The following HHAT variants were observed in gnomAD, a reference collection of about 807,000 sequenced individuals.
HHAT encodes hedgehog acyltransferase, also known as protein-cysteine N-palmitoyltransferase HHAT.
A neutral mutation model predicts 70.8 loss-of-function variants in HHAT; 47 were observed. That is an observed-to-expected ratio of 0.66 (90% CI 0.53 to 0.85). The LOEUF (loss-of-function observed/expected upper bound fraction) is 0.85. Ranked by LOEUF, HHAT falls within the 40% of genes least tolerant of loss-of-function variation. HHAT has a pLI of 0.00. For missense variants in HHAT, 609 were observed against 604.8 expected (o/e 1.01, Z -0.07); for synonymous variants, 228 against 247.6 (o/e 0.92, Z 0.74).
intron 9 of HHAT, among the ~76,000 whole-genome samples, chr1:210,566,350 A>C (rs893273726): frequency 6.6e-6 from 1 of 152,192 alleles, no homozygotes; most frequent in Non-Finnish European, 1.5e-5. Flanking sequence ...TGATGTGGAC[A>C]GGAGACAGGG....
intron 8 of HHAT, among the ~76,000 whole-genome samples, chr1:210,473,675 G>T (rs75642762): frequency 0.013 from 2,002 of 152,226 alleles, 52 homozygotes; most frequent in African/African-American, 0.046. Context: ...GACTTAATTT[G>T]ACTTAATTTC....
In HHAT at chr1:210,379,436, C is replaced by T. The variant is rs114346187; in HGVS notation, c.160-8032C>T. On this transcript the variant is annotated intron_variant, in intron 3 of 11. Transcript: ENST00000261458. ...AGTAAATAGTCATGGTTGAGTTAATCGGCAGTACCTGCTGTACAAGCAGAT... is the reference window on the plus strand; with the variant it reads ...AGTAAATAGTCATGGTTGAGTTAATTGGCAGTACCTGCTGTACAAGCAGAT... Among the ~76,000 whole-genome samples, 1,231 of 152,288 alleles carry T rather than the reference C, an allele frequency of 8.1e-3. 9 individuals carry two copies. Among genetic ancestry groups the T allele is most frequent in the Middle Eastern group, 0.024 (7 of 294 alleles).
chr1:210,482,456 C>T (rs1403702083), intron 8 of HHAT, among the ~76,000 whole-genome samples: 1 of 152,298 alleles, frequency 6.6e-6, no homozygotes, highest in Non-Finnish European at 1.5e-5. Context: ...TTATTTTAAA[C>T]ACAGGGTGCC....
Position 210,583,399 on chromosome 1 carries a change from A to T in HHAT, c.1044-4499A>T, listed in dbSNP as rs56136649. Among the ~76,000 whole-genome samples the T allele has an allele frequency of 6.3e-3, 967 of 152,318 alleles. 10 individuals carry two copies. Among genetic ancestry groups the T allele is most frequent in the African/African-American group, 0.022 (913 of 41,568 alleles). On this transcript the variant is annotated intron_variant, in intron 9 of 11. Coordinates refer to ENST00000261458, the MANE Select transcript of HHAT (RefSeq NM_018194.6). ...CAATCTTTTTAGTTTTGCTTTGCTG[A>T]GAAGGTGGTGCTGATTGCTTTCTTC...
chr1:210,581,372 G>T (rs1185870718), intron 9 of HHAT, among the ~76,000 whole-genome samples: 3 of 152,198 alleles, frequency 2.0e-5, no homozygotes, highest in Non-Finnish European at 4.4e-5. Context: ...CAAGGCCAAA[G>T]CTAGAGCCAG....
chr1:210,648,809 T>A (rs904968622), intron 11 of HHAT, among the ~76,000 whole-genome samples: 4 of 152,178 alleles, frequency 2.6e-5, no homozygotes, highest in Non-Finnish European at 5.9e-5. Context: ...AATTTGAAAA[T>A]TGCATGGAGG....
chr1:210,615,734 G>A lies in HHAT; in HGVS notation c.1246-7792G>A, dbSNP rs1226770855. Among the ~76,000 whole-genome samples, 7 of 152,388 alleles carry A rather than the reference G, an allele frequency of 4.6e-5. No individual in the cohort carries two copies. The East Asian group carries it at 1.3e-3, about 29-fold the overall frequency. The stretch of plus-strand genomic sequence containing the variant: ...CCCTGTTTGCCTAGGTATCAGCAGT[G>A]GAGGCTGCAGAGCAGCGAATATTGC... On this transcript the variant is annotated intron_variant, in intron 10 of 11. Transcript: ENST00000261458.
chr1:210,483,055 T>A (rs1572747471), intron 8 of HHAT, among the ~76,000 whole-genome samples: 1 of 152,174 alleles, frequency 6.6e-6, no homozygotes, highest in Non-Finnish European at 1.5e-5. Flanking sequence ...TTATTTTTTA[T>A]CCACACTGTC....
rs1413874347 is a variant in HHAT, at chr1:210,329,203, C to G, written c.-44+99C>G. The G allele has an allele frequency of 6.6e-6, 8 of 1,221,120 alleles. No individual in the cohort carries two copies. The East Asian group carries it at 2.6e-4, about 39-fold the overall frequency. 75.6% of individuals were successfully genotyped at this position (1,221,120 alleles called of 1,614,324 possible). A position where few individuals can be genotyped will look rare whatever the true frequency, so the allele number is the denominator to read the frequency against. On this transcript the variant is annotated intron_variant, in intron 1 of 11. Transcript: ENST00000261458. ...AAAAAAAAATGCACAAAACGCTTTC[C>G]GTTTCCTACCCAAGTTCCCGTGTGC...
intron 9 of HHAT, among the ~76,000 whole-genome samples, chr1:210,519,821 CT>C (rs1416770877): frequency 7.5e-6 from 1 of 133,730 alleles, no homozygotes; most frequent in African/African-American, 2.8e-5. Context: ...AGCCACCACA[CT>C]TGGCTTTTTT....
chr1:210,487,868 T>C (rs757832878), intron 8 of HHAT, among the ~76,000 whole-genome samples: 19 of 152,326 alleles, frequency 1.2e-4, no homozygotes, highest in Middle Eastern at 3.4e-3. Flanking sequence ...TAAGGGACTT[T>C]AATCTGCATA....
rs150191810 is a variant in HHAT at position 210,380,983 on chromosome 1, G to A, written c.160-6485G>A. ...AGCACATGAAGAATATTAAGTGGGGGAAATAACATGATCAAATATGCTCTT... is the reference window on the plus strand; with the variant it reads ...AGCACATGAAGAATATTAAGTGGGGAAAATAACATGATCAAATATGCTCTT... On this transcript the variant is annotated intron_variant, in intron 3 of 11. Coordinates refer to ENST00000261458, the MANE Select transcript of HHAT (RefSeq NM_018194.6). Among the ~76,000 whole-genome samples, 947 of 152,152 alleles carry A rather than the reference G, an allele frequency of 6.2e-3. 9 individuals are homozygous for A. The highest frequency in any genetic ancestry group is 0.022 in the African/African-American group (903 of 41,492).
At chr1:210,355,601 A>G (rs2087529426) in intron 2 of HHAT, among the ~76,000 whole-genome samples, 1 of 152,096 alleles carries the variant, frequency 6.6e-6, no homozygotes, top group African/African-American at 2.4e-5. Flanking sequence ...TTTTTTCCCT[A>G]GGGTTAAAAA....
chr1:210,370,427 C>G (rs2089462002), intron 3 of HHAT, among the ~76,000 whole-genome samples: 2 of 151,828 alleles, frequency 1.3e-5, no homozygotes, highest in East Asian at 3.9e-4. Context: ...CCCATCTTGG[C>G]CTCTCAAATT....
At chr1:210,603,032 A>G (rs1285735810) in intron 10 of HHAT, among the ~76,000 whole-genome samples, 1 of 152,238 alleles carries the variant, frequency 6.6e-6, no homozygotes, top group African/African-American at 2.4e-5. Context: ...TGACAGATAG[A>G]AGGCTTTGAA....
At chr1:210,638,280 G>C (rs1218073788) in intron 11 of HHAT, among the ~76,000 whole-genome samples, 1 of 152,138 alleles carries the variant, frequency 6.6e-6, no homozygotes, top group Non-Finnish European at 1.5e-5. Flanking sequence ...CCAAAAAGTA[G>C]AAACAATCCA....
intron 1 of HHAT, among the ~76,000 whole-genome samples, 197 bp from the exon 2 acceptor site, chr1:210,348,736 C>CATGTGT (rs143188292): frequency 4.1e-5 from 6 of 148,034 alleles, no homozygotes; most frequent in African/African-American, 1.3e-4. Flanking sequence ...TGTATGTGTG[C>CATGTGT]GTGTGTGTGT....
rs147584447 is a variant in HHAT at position 210,488,866 on chromosome 1, G to A, written c.1007+24211G>A. On this transcript the variant is annotated intron_variant, in intron 8 of 11. Coordinates refer to ENST00000261458, the MANE Select transcript of HHAT (RefSeq NM_018194.6). ...CAACTGTGGCACTGCACTCCAGCCT[G>A]GACAACAGAGTGAGACCTTGTTTCA... Among the ~76,000 whole-genome samples, 410 of 152,274 alleles carry A rather than the reference G, an allele frequency of 2.7e-3. 2 individuals carry two copies. The highest frequency in any genetic ancestry group is 0.022 in the Admixed American group (341 of 15,274).
At chr1:210,428,263 GT>G (rs2093129699) in intron 7 of HHAT, among the ~76,000 whole-genome samples, 2 of 108,328 alleles carry the variant, frequency 1.8e-5, no homozygotes, top group South Asian at 6.2e-4. Context: ...ACACATTTAT[GT>G]TTTCCCCCAA....
Sources: allele counts gnomAD v4.1 joint callset (sites outside exome capture counted in the v4.1 genomes callset), GRCh38; gene constraint gnomAD v4.1.1; transcripts MANE v1.5; gene names NCBI Gene and HGNC (gene_info 2026-07-23, HGNC 2026-07-21).